PUDP: variants seen among roughly 807,000 people sequenced by gnomAD.
PUDP encodes pseudouridine-5'-phosphatase.
PUDP carries 8 observed loss-of-function variants against 9.4 expected under a neutral mutation model. That is an observed-to-expected ratio of 0.85 (90% CI 0.50 to 1.53). PUDP has a LOEUF of 1.53. Among genes scored for constraint, PUDP ranks in the 40% most tolerant of loss-of-function variants. The pLI is 0.00. For missense variants in PUDP, 188 were observed against 189.7 expected (o/e 0.99, Z 0.05); for synonymous variants, 99 against 80.7 (o/e 1.23, Z -1.22).
chrX:6,952,874 A>G (rs1928576164), intron 3 of PUDP, among the ~76,000 whole-genome samples: 1 of 111,816 alleles, frequency 8.9e-6, no homozygotes, highest in South Asian at 3.7e-4. Flanking sequence ...TGTGAACAAC[A>G]AATGTCGGTT....
At chrX:6,862,778 T>C (rs1472401693) in intron 3 of PUDP, among the ~76,000 whole-genome samples, 1 of 111,256 alleles carries the variant, frequency 9.0e-6, no homozygotes, top group Non-Finnish European at 1.9e-5. Flanking sequence ...ATTTTAAAAC[T>C]CTATGGCCAA....
intron 1 of PUDP, among the ~76,000 whole-genome samples, chrX:6,713,770 G>A (rs1040287455): frequency 1.8e-5 from 2 of 110,396 alleles, no homozygotes; most frequent in Non-Finnish European, 3.8e-5. Flanking sequence ...AGGGACTGTC[G>A]GGCACTGTGG....
At chrX:7,118,280 T>C (rs1932250184) in intron 1 of PUDP, among the ~76,000 whole-genome samples, 1 of 112,428 alleles carries the variant, frequency 8.9e-6, no homozygotes, top group South Asian at 3.6e-4. Context: ...ACAGTGAGGC[T>C]GAGTGTGAGC....
rs187630548 is a variant in PUDP, at chrX:6,966,948, C to T, written c.*247+10185G>A. 2.4e-3 allele frequency among the ~76,000 whole-genome samples: 264 copies of T among 111,945 alleles called. 3 individuals carry two copies. Among genetic ancestry groups the T allele is most frequent in the African/African-American group, 8.1e-3 (249 of 30,808 alleles). On this transcript the variant is annotated intron_variant and NMD_transcript_variant, in intron 3 of 3. Coordinates refer to the PUDP transcript ENST00000655425. ...CATGTGTGCTGCTCCCACAGCGTGG[C>T]TGAGGGTGGAAGCTGATTCCCGGTT...
At chrX:7,086,639 G>A (rs1295164513) in intron 2 of PUDP, among the ~76,000 whole-genome samples, 2 of 111,953 alleles carry the variant, frequency 1.8e-5, no homozygotes, top group African/African-American at 3.3e-5. Context: ...TTTTGGCAGA[G>A]CACCTCCTTC....
At chrX:6,759,885 G>A (rs1168832864) in intron 3 of PUDP, among the ~76,000 whole-genome samples, 2 of 50,750 alleles carry the variant, frequency 3.9e-5, no homozygotes, top group Non-Finnish European at 6.9e-5. Flanking sequence ...TAGCAACATG[G>A]AGCAGTGCTC....
chrX:7,019,612 T>C (rs1929601205), intron 1 of PUDP, among the ~76,000 whole-genome samples: 1 of 111,790 alleles, frequency 8.9e-6, no homozygotes. Flanking sequence ...TTCATCTATA[T>C]GACAAGACCA....
intron 1 of PUDP, among the ~76,000 whole-genome samples, chrX:7,108,620 T>C (rs1416992308): frequency 2.7e-5 from 3 of 112,738 alleles, no homozygotes; most frequent in Non-Finnish European, 5.6e-5. Flanking sequence ...CTGCTTTTCT[T>C]GGCAAATCCA....
At chrX:6,725,239 G>A (rs1164497383), upstream of PUDP, among the ~76,000 whole-genome samples, 1 of 112,055 alleles carries the variant, frequency 8.9e-6, no homozygotes, top group Non-Finnish European at 1.9e-5. Flanking sequence ...GGCATATATT[G>A]TCTTGTCTTG....
intron 1 of PUDP, among the ~76,000 whole-genome samples, chrX:7,130,370 TACACACACAC>T (rs35470120): frequency 1.9e-5 from 2 of 104,229 alleles, no homozygotes; most frequent in Non-Finnish European, 3.9e-5. Flanking sequence ...ATGCACATAC[TACACACACAC>T]ACACACACAC....
chrX:6,786,097 C>G (rs1433221001), intron 3 of PUDP, among the ~76,000 whole-genome samples: 1 of 111,751 alleles, frequency 8.9e-6, no homozygotes, highest in Non-Finnish European at 1.9e-5. Flanking sequence ...AACCTCATAG[C>G]ATTGACTCTA....
At chrX:7,042,161 A>G (rs1929931520) in intron 1 of PUDP, among the ~76,000 whole-genome samples, 1 of 109,226 alleles carries the variant, frequency 9.2e-6, no homozygotes, top group Admixed American at 1.0e-4. Context: ...CTAAAGATGT[A>G]TATCTTCCTC....
intron 3 of PUDP, among the ~76,000 whole-genome samples, chrX:7,059,588 G>A (rs914730939): frequency 8.9e-5 from 10 of 111,931 alleles, no homozygotes; most frequent in African/African-American, 2.3e-4. Flanking sequence ...AGACAGACTC[G>A]GGAAGATTAG....
At chrX:6,939,425 A>G (rs1282663316) in intron 3 of PUDP, among the ~76,000 whole-genome samples, 1 of 107,801 alleles carries the variant, frequency 9.3e-6, no homozygotes, top group African/African-American at 3.3e-5. Context: ...TATAATAGAT[A>G]CATTATTTTG....
chrX:6,837,014 T>A (rs1331944297), intron 3 of PUDP, among the ~76,000 whole-genome samples: 2 of 112,507 alleles, frequency 1.8e-5, no homozygotes, highest in African/African-American at 6.4e-5. Flanking sequence ...CAAACAGAAC[T>A]GCTACATGTG....
At chrX:6,742,818 A>G (rs1422775149) in intron 3 of PUDP, among the ~76,000 whole-genome samples, 1 of 112,081 alleles carries the variant, frequency 8.9e-6, no homozygotes, top group Non-Finnish European at 1.9e-5. Context: ...ACACAAAAAA[A>G]TTTTGCTTAT....
At chrX:6,818,485 G>T (rs1212527938) in intron 3 of PUDP, among the ~76,000 whole-genome samples, 2 of 111,924 alleles carry the variant, frequency 1.8e-5, no homozygotes, top group African/African-American at 6.5e-5. Context: ...AAAGCTAATA[G>T]GACAAATAAA....
chrX:6,873,627 C>T (rs1204731602), intron 3 of PUDP, among the ~76,000 whole-genome samples: 2 of 111,570 alleles, frequency 1.8e-5, no homozygotes, highest in Non-Finnish European at 3.8e-5. Context: ...TAAAAGTATG[C>T]TAGCTACAAA....
chrX:6,859,520 T>C (rs1926964940), intron 3 of PUDP, among the ~76,000 whole-genome samples: 1 of 111,581 alleles, frequency 9.0e-6, no homozygotes, highest in Non-Finnish European at 1.9e-5. Flanking sequence ...GGGAAGGGCT[T>C]GTACTGTGCT....
Sources: allele counts gnomAD v4.1 joint callset (sites outside exome capture counted in the v4.1 genomes callset), GRCh38; gene constraint gnomAD v4.1.1; transcripts MANE v1.5; gene names NCBI Gene and HGNC (gene_info 2026-07-23, HGNC 2026-07-21).